MAP3K4: variants seen among roughly 807,000 people sequenced by gnomAD.
The protein encoded by MAP3K4 is mitogen-activated protein kinase kinase kinase 4, also known as MAP three kinase 1.
In MAP3K4, 67 loss-of-function variants were observed where a neutral mutation model predicts 185.6. The ratio of observed to expected loss-of-function variants is 0.36; its 90% confidence interval spans 0.30 to 0.44. MAP3K4 has a LOEUF of 0.44. Ranked by LOEUF, MAP3K4 falls within the 20% of genes least tolerant of loss-of-function variation. MAP3K4 has a pLI of 1.00. For synonymous variants in MAP3K4, 702 were observed against 710.4 expected (o/e 0.99, Z 0.19); for missense variants, 1,551 against 1,995.1 (o/e 0.78, Z 4.24).
At chr6:161,039,296 A>AC (rs1167427319) in intron 2 of MAP3K4, among the ~76,000 whole-genome samples, 1 of 151,832 alleles carries the variant, frequency 6.6e-6, no homozygotes, top group East Asian at 1.9e-4. Flanking sequence ...AAAAAAAAAA[A>AC]AAAACATCAA....
intron 1 of MAP3K4, among the ~76,000 whole-genome samples, chr6:161,033,052 C>T (rs1216595789): frequency 1.3e-5 from 2 of 152,006 alleles, no homozygotes; most frequent in African/African-American, 4.8e-5. Flanking sequence ...TTATTTTCTG[C>T]AGTTTTGTCA....
chr6:161,055,262 T>A (rs1027562807), intron 3 of MAP3K4, among the ~76,000 whole-genome samples: 3 of 152,222 alleles, frequency 2.0e-5, no homozygotes, highest in Non-Finnish European at 4.4e-5. Context: ...TCCCAGCAGT[T>A]ACTGTAGCTA....
rs527827290 is a variant in MAP3K4 at position 161,115,828 on chromosome 6, G to A, written c.4806+526G>A. On this transcript the variant is annotated intron_variant, in intron 26 of 26. Coordinates refer to ENST00000392142, the MANE Select transcript of MAP3K4 (RefSeq NM_005922.4). This position sits in a 1 kb window ranked among gnomAD's most constrained non-coding sequence, Gnocchi z 6.0. ...GCTCACCCTTCCGGGAGAGTGGGAT[G>A]GTCACAGAGCCCTGTGTAGGTAGAT... 2.6e-5 allele frequency among the ~76,000 whole-genome samples: 4 copies of A among 152,132 alleles called. No individual in the cohort carries two copies. Among genetic ancestry groups the A allele is most frequent in the Non-Finnish European group, 5.9e-5 (4 of 68,022 alleles).
In MAP3K4 at chr6:161,074,686, T is replaced by C. The variant is rs776090402; in HGVS notation, c.2097+1074T>C. ...CGTTAGATTCATTAGGGTATATGCA[T>C]AGATGATTACGTAATGTGACAGGTT... On this transcript the variant is annotated intron_variant, in intron 5 of 26. Coordinates refer to ENST00000392142, the MANE Select transcript of MAP3K4 (RefSeq NM_005922.4). This position sits in a 1 kb window ranked among gnomAD's most constrained non-coding sequence, Gnocchi z 5.0. Among the ~76,000 whole-genome samples the C allele has an allele frequency of 6.6e-6, 1 of 152,236 alleles. No individual in the cohort carries two copies. Among genetic ancestry groups the C allele is most frequent in the Non-Finnish European group, 1.5e-5 (1 of 68,046 alleles).
Position 160,991,809 on chromosome 6 carries a change from C to G in MAP3K4, c.-123C>G, listed in dbSNP as rs898272642. 9.0e-6 allele frequency: 10 copies of G among 1,114,286 alleles called. No homozygotes were observed. The highest frequency in any genetic ancestry group is 5.0e-5 in the African/African-American group (3 of 60,398). The allele number at this position is 1,114,286 out of a possible 1,614,324, so 69.0% of individuals were successfully genotyped here. A position where few individuals can be genotyped will look rare whatever the true frequency, so the allele number is the denominator to read the frequency against. The stretch of plus-strand genomic sequence containing the variant: ...GTTTCCAAGATGGCCGCGGCGCGCA[C>G]GGCTCCTGCGGCGGGGTAGAGGCGG... On this transcript the variant is annotated 5_prime_UTR_variant, in exon 1 of 27. Transcript: ENST00000392142. This position sits in a 1 kb window ranked among gnomAD's most constrained non-coding sequence, Gnocchi z 5.7.
In MAP3K4 at chr6:161,073,393, G is replaced by C. The variant is rs369131868; in HGVS notation, c.1951-73G>C. 1.4e-6 allele frequency: 2 copies of C among 1,409,634 alleles called. No individual in the cohort carries two copies. Among genetic ancestry groups the C allele is most frequent in the East Asian group, 5.1e-5 (2 of 39,372 alleles). 87.3% of individuals were successfully genotyped at this position (1,409,634 alleles called of 1,614,324 possible). ...CCCTCTGAGTTTTTTGAAGATTTAAGTAGGAAGATATAAAACACGGATCGT... is the reference window on the plus strand; with the variant it reads ...CCCTCTGAGTTTTTTGAAGATTTAACTAGGAAGATATAAAACACGGATCGT... On this transcript the variant is annotated intron_variant, in intron 4 of 26. Coordinates refer to ENST00000392142, the MANE Select transcript of MAP3K4 (RefSeq NM_005922.4). The surrounding 1 kb of genome is among the most constrained non-coding windows in gnomAD (Gnocchi z 4.2).
rs1785627374 is a variant in MAP3K4 at position 161,084,917 on chromosome 6, TG to T, written c.2372+303del. ...ATCCCAGTACTTTGGGAGGCCGAGGTGGGTGAATCACCAGGTCAGGAGTTCA... is the reference window on the plus strand; with the variant it reads ...ATCCCAGTACTTTGGGAGGCCGAGGTGGTGAATCACCAGGTCAGGAGTTCA... On this transcript the variant is annotated intron_variant, in intron 7 of 26. Transcript: ENST00000392142. This position sits in a 1 kb window ranked among gnomAD's most constrained non-coding sequence, Gnocchi z 4.6. Among the ~76,000 whole-genome samples, 1 of 152,046 alleles carries T rather than the reference TG, an allele frequency of 6.6e-6. No individual in the cohort carries two copies. The highest frequency in any genetic ancestry group is 1.5e-5 in the Non-Finnish European group (1 of 68,000).
chr6:161,004,799 A>G (rs762320463), intron 1 of MAP3K4, among the ~76,000 whole-genome samples: 18 of 152,362 alleles, frequency 1.2e-4, no homozygotes, highest in Middle Eastern at 3.4e-3. Context: ...AATCAAGGAC[A>G]TAATAAGTTG....
rs1283814473 is a variant in MAP3K4, at chr6:160,991,865, G to A, written c.-67G>A. 5 of 1,423,310 alleles carry A rather than the reference G, an allele frequency of 3.5e-6. No homozygotes were observed. The highest frequency in any genetic ancestry group is 5.9e-5 in the East Asian group (2 of 33,786). 88.2% of individuals were successfully genotyped at this position (1,423,310 alleles called of 1,614,324 possible). ...GAGTCGAGTCACTCCCGCACTTCGG[G>A]GCTCCGGTGCCCCGCGCCAGGCTGC... On this transcript the variant is annotated 5_prime_UTR_variant, in exon 1 of 27. Coordinates refer to ENST00000392142, the MANE Select transcript of MAP3K4 (RefSeq NM_005922.4). This position sits in a 1 kb window ranked among gnomAD's most constrained non-coding sequence, Gnocchi z 5.7.
intron 10 of MAP3K4, 28 bp from the exon 11 acceptor site, chr6:161,089,294 T>C (rs537871918): frequency 6.2e-7 from 1 of 1,606,086 alleles, no homozygotes; most frequent in South Asian, 1.1e-5. Context: ...GGTTGGTTTT[T>C]ATGTCCTGTG....
rs942727570 is a variant in MAP3K4, at chr6:161,103,272, A to T, written c.3856+493A>T. ...TAGATGTTCTCTTTTTATAAATGAT[A>T]GTTTCTAAGCAGCCCAATAATTTGG... is the stretch of plus-strand genomic sequence containing the variant. On this transcript the variant is annotated intron_variant, in intron 19 of 26. Transcript: ENST00000392142. This position sits in a 1 kb window ranked among gnomAD's most constrained non-coding sequence, Gnocchi z 4.6. Among the ~76,000 whole-genome samples, 1 of 152,206 alleles carries T rather than the reference A, an allele frequency of 6.6e-6. No homozygotes were observed. Among genetic ancestry groups the T allele is most frequent in the African/African-American group, 2.4e-5 (1 of 41,450 alleles).
At position 161,048,982 on chromosome 6, in the gene MAP3K4, C is replaced by T; in HGVS notation, c.710C>T (p.Ser237Leu). Residue 237 changes from serine to leucine, a missense_variant, in exon 3 of 27, where the codon TCA (serine) becomes TTA (leucine). By Grantham distance (145) the Ser-to-Leu change is moderately radical. Transcript: ENST00000392142. The surrounding 1 kb of genome is among the most constrained non-coding windows in gnomAD (Gnocchi z 4.7). Reference sequence around the variant, plus strand: ...TTACGACTTTTGCTAAAGCTTACCTCAGTCTCAAAGAAAAAAGACAGGGAG... The same window carrying T: ...TTACGACTTTTGCTAAAGCTTACCTTAGTCTCAAAGAAAAAAGACAGGGAG... Reference protein sequence around the residue: ...ETLRLLLKLTSVSKKKDREQR... With the variant: ...ETLRLLLKLTLVSKKKDREQR... 1 of 1,613,962 alleles carries T rather than the reference C, an allele frequency of 6.2e-7. No homozygotes were observed.
At chr6:161,023,697 C>G (rs1231347808) in intron 1 of MAP3K4, among the ~76,000 whole-genome samples, 2 of 152,242 alleles carry the variant, frequency 1.3e-5, no homozygotes, top group Middle Eastern at 3.2e-3. Context: ...GTCAAAAATT[C>G]TGATGCACAT....
intron 1 of MAP3K4, among the ~76,000 whole-genome samples, chr6:160,999,987 C>T (rs755698402): frequency 1.4e-4 from 22 of 152,096 alleles, no homozygotes; most frequent in African/African-American, 7.2e-5. Context: ...TTTTCAGATA[C>T]GTTGTTATTT....
intron 1 of MAP3K4, among the ~76,000 whole-genome samples, chr6:161,003,568 C>T (rs1167020614): frequency 6.6e-6 from 1 of 152,146 alleles, no homozygotes; most frequent in Admixed American, 6.5e-5. Context: ...TGGCATAGTC[C>T]TTTTCCTTGG....
chr6:161,105,535 C>G (rs1320115337), intron 19 of MAP3K4, among the ~76,000 whole-genome samples: 1 of 152,190 alleles, frequency 6.6e-6, no homozygotes, highest in African/African-American at 2.4e-5. Context: ...GTACTCTTCC[C>G]AGAGAAGGGA....
rs1785114731 is a variant in MAP3K4, at chr6:161,075,194, AC to A, written c.2097+1584del. On this transcript the variant is annotated intron_variant, in intron 5 of 26. Transcript: ENST00000392142. This position sits in a 1 kb window ranked among gnomAD's most constrained non-coding sequence, Gnocchi z 4.3. ...TTTTGAGATAGAGTTTTGCTCTGTC[AC>A]CTAGACTGAAACGCAGTGGTGTGTT... Among the ~76,000 whole-genome samples, 1 of 152,238 alleles carries A rather than the reference AC, an allele frequency of 6.6e-6. No homozygotes were observed. The highest frequency in any genetic ancestry group is 2.4e-5 in the African/African-American group (1 of 41,460).
chr6:161,019,843 T>A (rs1011252278), intron 1 of MAP3K4, among the ~76,000 whole-genome samples: 14 of 152,278 alleles, frequency 9.2e-5, no homozygotes, highest in Admixed American at 2.0e-4. Flanking sequence ...TTAAAAAAAA[T>A]TTTTTTAAAC....
At chr6:161,104,042 A>G (rs1047102415) in intron 19 of MAP3K4, among the ~76,000 whole-genome samples, 2 of 152,196 alleles carry the variant, frequency 1.3e-5, no homozygotes, top group African/African-American at 2.4e-5. Context: ...TTTCAAATCA[A>G]GTACTTTGTG....
Sources: gnomAD v4.1 joint callset for allele counts (sites outside exome capture counted in the v4.1 genomes callset) on GRCh38, gnomAD v4.1.1 for gene constraint, Gnocchi (gnomAD v3.1) non-coding constraint, MANE v1.5 for transcripts, NCBI Gene and HGNC (gene_info 2026-07-23, HGNC 2026-07-21) for gene names.